The following GRID2 variants were observed in gnomAD, a reference collection of about 807,000 sequenced individuals.
GRID2 encodes the protein glutamate ionotropic receptor delta type subunit 2.
Under a neutral mutation model 114.8 loss-of-function variants are expected in GRID2, and 33 were observed. The ratio of observed to expected loss-of-function variants is 0.29; its 90% CI spans 0.22 to 0.38. The LOEUF is 0.38. Among genes scored for constraint, GRID2 ranks in the 10% least tolerant of loss-of-function variants. GRID2 has a pLI of 1.00. For missense variants in GRID2, 1,184 were observed against 1,257.7 expected, an observed-to-expected ratio of 0.94 and a Z score of 0.89; for synonymous variants, 505 against 449.9, an observed-to-expected ratio of 1.12 and a Z score of -1.55.
intron 4 of GRID2, among the ~76,000 whole-genome samples, chr4:93,182,663 T>C (rs939643219): frequency 1.3e-5 from 2 of 152,244 alleles, no homozygotes; most frequent in South Asian, 2.1e-4. Flanking sequence ...GCTGCTCAAA[T>C]CTGGATCTTC....
chr4:93,331,104 C>T (rs1758376408), intron 8 of GRID2, among the ~76,000 whole-genome samples: 1 of 151,726 alleles, frequency 6.6e-6, no homozygotes, highest in Non-Finnish European at 1.5e-5. Context: ...AATACAACAG[C>T]CTCAGTGCCT....
chr4:92,483,195 T>C (rs917260459), intron 1 of GRID2, among the ~76,000 whole-genome samples: 5 of 151,980 alleles, frequency 3.3e-5, no homozygotes, highest in African/African-American at 1.2e-4. Context: ...AAAAATTAGC[T>C]GGCTGTAGTG....
chr4:93,392,411 G>C (rs2149325491), intron 8 of GRID2, among the ~76,000 whole-genome samples: 1 of 152,216 alleles, frequency 6.6e-6, no homozygotes, highest in Middle Eastern at 3.4e-3. Context: ...CACTATGCCT[G>C]TCATTCTTGC....
intron 1 of GRID2, among the ~76,000 whole-genome samples, chr4:92,497,064 A>G (rs1333001091): frequency 6.6e-6 from 1 of 151,714 alleles, no homozygotes; most frequent in Non-Finnish European, 1.5e-5. Context: ...TAGTTCAAAG[A>G]TTACTTTTAG....
intron 8 of GRID2, among the ~76,000 whole-genome samples, chr4:93,257,543 A>G (rs1259253885): frequency 2.0e-5 from 3 of 151,772 alleles, no homozygotes; most frequent in East Asian, 1.9e-4. Context: ...GATAGAAGAC[A>G]TTTAAGCCTA....
chr4:92,788,847 T>G (rs953768292), intron 2 of GRID2, among the ~76,000 whole-genome samples: 1 of 151,830 alleles, frequency 6.6e-6, no homozygotes, highest in Admixed American at 6.6e-5. Context: ...TTTTTGTATG[T>G]TTTATAATAA....
intron 2 of GRID2, among the ~76,000 whole-genome samples, chr4:92,799,457 G>A (rs1422321886): frequency 6.6e-5 from 10 of 151,956 alleles, no homozygotes; most frequent in Non-Finnish European, 1.5e-4. Context: ...CTGTTTTAGT[G>A]GCTGGAAGTC....
chr4:93,340,443 T>C (rs1759533790), intron 8 of GRID2, among the ~76,000 whole-genome samples: 1 of 152,148 alleles, frequency 6.6e-6, no homozygotes, highest in Non-Finnish European at 1.5e-5. Flanking sequence ...CAGATGTTCA[T>C]TTTAATCTTA....
chr4:93,251,950 G>A (rs1237170099), intron 8 of GRID2, among the ~76,000 whole-genome samples: 2 of 152,130 alleles, frequency 1.3e-5, no homozygotes, highest in Non-Finnish European at 2.9e-5. Context: ...ACACAAGTGT[G>A]CATGTCTTTA....
chr4:92,585,280 C>G (rs1198025221), intron 1 of GRID2, among the ~76,000 whole-genome samples: 2 of 151,906 alleles, frequency 1.3e-5, no homozygotes, highest in Non-Finnish European at 2.9e-5. Context: ...ATAAAAGATT[C>G]ATTGCATGTA....
rs139477379 is a variant in GRID2, at chr4:92,446,039, G to A, written c.88+141295G>A. Among the ~76,000 whole-genome samples the A allele has an allele frequency of 3.2e-3, 488 of 152,196 alleles. 4 individuals are homozygous for A. The highest frequency in any genetic ancestry group is 0.011 in the African/African-American group (448 of 41,536). ...CGGCTCACTGCAACCTCTGCTTCCC[G>A]GGTTCAAGCGATTCTCATGCCTCAA... On this transcript the variant is annotated intron_variant, in intron 1 of 15. Coordinates refer to ENST00000282020, the MANE Select transcript of GRID2 (RefSeq NM_001510.4).
intron 13 of GRID2, among the ~76,000 whole-genome samples, chr4:93,593,310 A>T (rs371312544): frequency 1.4e-5 from 2 of 141,342 alleles, no homozygotes; most frequent in Admixed American, 7.2e-5. Context: ...TCCTTCACTT[A>T]TGAAGCTTAG....
At chr4:93,326,739 G>A (rs1757877367) in intron 8 of GRID2, among the ~76,000 whole-genome samples, 1 of 152,094 alleles carries the variant, frequency 6.6e-6, no homozygotes, top group African/African-American at 2.4e-5. Context: ...GTCCTAAGCA[G>A]TTAAATCTCT....
intron 13 of GRID2, among the ~76,000 whole-genome samples, chr4:93,567,234 C>G (rs1391002314): frequency 1.3e-5 from 2 of 152,174 alleles, no homozygotes; most frequent in Non-Finnish European, 2.9e-5. Flanking sequence ...AAATTTAAAT[C>G]TGATATGGTT....
chr4:93,398,922 C>G (rs796376006), intron 9 of GRID2, among the ~76,000 whole-genome samples: 6 of 151,790 alleles, frequency 4.0e-5, no homozygotes, highest in African/African-American at 1.4e-4. Flanking sequence ...CCAGTCATTC[C>G]CTTCTTATTT....
chr4:92,625,449 C>G (rs1222572743), intron 2 of GRID2, among the ~76,000 whole-genome samples: 1 of 151,696 alleles, frequency 6.6e-6, no homozygotes, highest in Admixed American at 6.6e-5. Context: ...AGAGAGTCTT[C>G]AGACTATTGC....
At chr4:92,848,218 A>ATTTT (rs72175096) in intron 2 of GRID2, among the ~76,000 whole-genome samples, 3 of 142,770 alleles carry the variant, frequency 2.1e-5, no homozygotes, top group African/African-American at 7.8e-5. Context: ...ACATTCAGGG[A>ATTTT]TTTTTTTTTT....
intron 2 of GRID2, among the ~76,000 whole-genome samples, chr4:92,927,884 C>A (rs918521943): frequency 4.0e-5 from 6 of 151,590 alleles, no homozygotes; most frequent in African/African-American, 1.5e-4. Context: ...AGAATGTTTG[C>A]ATTATACTTA....
intron 2 of GRID2, among the ~76,000 whole-genome samples, chr4:92,741,813 A>T (rs1352949442): frequency 1.3e-5 from 2 of 152,170 alleles, no homozygotes; most frequent in Non-Finnish European, 2.9e-5. Context: ...AAAGAACAGG[A>T]ACATTTAATT....
Sources: allele counts gnomAD v4.1 joint callset (sites outside exome capture counted in the v4.1 genomes callset), GRCh38; gene constraint gnomAD v4.1.1; transcripts MANE v1.5; gene names NCBI Gene and HGNC (gene_info 2026-07-23, HGNC 2026-07-21).